CELSR1: variants seen among roughly 807,000 people sequenced by gnomAD.
CELSR1 encodes the protein cadherin EGF LAG seven-pass G-type receptor 1, also known as adhesion G protein-coupled receptor C1.
CELSR1 carries 110 observed loss-of-function variants against 249.1 expected under a neutral mutation model. The ratio of observed to expected loss-of-function variants is 0.44; its 90% CI spans 0.38 to 0.52. The LOEUF is 0.52. CELSR1 is among the 20% of genes least tolerant of loss of function. The pLI, the probability that CELSR1 is intolerant of heterozygous loss-of-function variation, is 0.00. For missense variants in CELSR1, 4,109 were observed against 4,296.4 expected, an observed-to-expected ratio of 0.96 and a Z score of 1.22; for synonymous variants, 2,113 against 1,900.0, an observed-to-expected ratio of 1.11 and a Z score of -2.92.
chr22:46,452,933 C>T (rs1326313553), intron 2 of CELSR1, among the ~76,000 whole-genome samples: 1 of 152,228 alleles, frequency 6.6e-6, no homozygotes, highest in Admixed American at 6.5e-5. Context: ...TGGGCACAGC[C>T]TGGAAACAGC....
Position 46,464,406 on chromosome 22 carries a change from C to T in CELSR1, c.3545-61G>A, listed in dbSNP as rs1011315605. ...CTGCGGGAGTCACAGGTCCTATAGGCCCCATCCCAGGAGCAGCCTCAGGCA... is the reference window on the plus strand; with the variant it reads ...CTGCGGGAGTCACAGGTCCTATAGGTCCCATCCCAGGAGCAGCCTCAGGCA... On this transcript the variant is annotated intron_variant, in intron 1 of 34. Coordinates refer to ENST00000674500, the MANE Select transcript of CELSR1 (RefSeq NM_001378328.1). This position sits in a 1 kb window ranked among gnomAD's most constrained non-coding sequence, Gnocchi z 8.5. The T allele has an allele frequency of 3.2e-6, 5 of 1,542,322 alleles. No homozygotes were observed. The highest frequency in any genetic ancestry group is 4.4e-6 in the Non-Finnish European group (5 of 1,141,452).
intron 22 of CELSR1, 85 bp from the exon 23 acceptor site, chr22:46,378,802 G>T: frequency 6.6e-7 from 1 of 1,511,940 alleles, no homozygotes; most frequent in Middle Eastern, 2.2e-4. Flanking sequence ...CCCAGCCCTG[G>T]GGGCTCCCAG....
At chr22:46,496,758 G>A (rs1406847298) in intron 1 of CELSR1, among the ~76,000 whole-genome samples, 1 of 152,002 alleles carries the variant, frequency 6.6e-6, no homozygotes, top group African/African-American at 2.4e-5. Flanking sequence ...AGTCTTCAGA[G>A]GCAGCAGCAC....
intron 1 of CELSR1, among the ~76,000 whole-genome samples, chr22:46,479,093 G>A (rs897440238): frequency 6.6e-6 from 1 of 151,650 alleles, no homozygotes; most frequent in African/African-American, 2.4e-5. Context: ...CTCCCTCTGC[G>A]TGCCCCTGTG....
chr22:46,416,150 T>C (rs1368480154), intron 5 of CELSR1, among the ~76,000 whole-genome samples: 1 of 150,258 alleles, frequency 6.7e-6, no homozygotes, highest in Non-Finnish European at 1.5e-5. Context: ...CTCCTCACAT[T>C]TCTAAGAGGA....
At chr22:46,504,660 T>C (rs1201548731) in intron 1 of CELSR1, among the ~76,000 whole-genome samples, 2 of 152,190 alleles carry the variant, frequency 1.3e-5, no homozygotes. Flanking sequence ...CCAATGAGGA[T>C]GAAAATATGG....
intron 24 of CELSR1, among the ~76,000 whole-genome samples, chr22:46,375,226 G>A (rs540938917): frequency 1.5e-4 from 23 of 152,236 alleles, no homozygotes; most frequent in African/African-American, 5.5e-4. Context: ...CACAGACACC[G>A]TCTCCACCCA....
chr22:46,452,276 C>T (rs1409503989), intron 2 of CELSR1, among the ~76,000 whole-genome samples: 1 of 152,188 alleles, frequency 6.6e-6, no homozygotes, highest in Non-Finnish European at 1.5e-5. Flanking sequence ...CTGGAGCCTA[C>T]ACAGACCTGG....
At chr22:46,463,586 C>T in intron 2 of CELSR1, 121 bp downstream of exon 2, 2 of 1,113,160 alleles carry the variant, frequency 1.8e-6, no homozygotes, top group Non-Finnish European at 2.4e-6. Context: ...CACACCTGGG[C>T]CCAGCGCCCA....
In CELSR1 at chr22:46,429,264, T is replaced by G. The variant is rs2079568265; in HGVS notation, c.4611+4129A>C. The stretch of plus-strand genomic sequence containing the variant: ...AATGAGGGCAAAACCGATTCTCAAG[T>G]GGGGAGAACGTTTTCCGTCAGGCAT... On this transcript the variant is annotated intron_variant, in intron 5 of 34. Coordinates refer to ENST00000674500, the MANE Select transcript of CELSR1 (RefSeq NM_001378328.1). This position sits in a 1 kb window ranked among gnomAD's most constrained non-coding sequence, Gnocchi z 4.1. Among the ~76,000 whole-genome samples the G allele has an allele frequency of 6.6e-6, 1 of 152,050 alleles. No homozygotes were observed. The highest frequency in any genetic ancestry group is 2.4e-5 in the African/African-American group (1 of 41,390).
Position 46,398,908 on chromosome 22 carries a change from C to T in CELSR1, c.5413-271G>A, listed in dbSNP as rs1031047370. Among the ~76,000 whole-genome samples the T allele has an allele frequency of 6.6e-5, 10 of 152,170 alleles. No individual in the cohort carries two copies. Among genetic ancestry groups the T allele is most frequent in the African/African-American group, 9.7e-5 (4 of 41,432 alleles). On this transcript the variant is annotated intron_variant, in intron 10 of 34. Transcript: ENST00000674500. This position sits in a 1 kb window ranked among gnomAD's most constrained non-coding sequence, Gnocchi z 7.2. Reference sequence around the variant, plus strand: ...GTGGGGTCAACGTGGGCAACTGTCCCGCCTCCGTCAAGGGCACAACACTAA... The same window carrying T: ...GTGGGGTCAACGTGGGCAACTGTCCTGCCTCCGTCAAGGGCACAACACTAA...
At chr22:46,466,121 G>A (rs547128403) in intron 1 of CELSR1, among the ~76,000 whole-genome samples, 30 of 152,216 alleles carry the variant, frequency 2.0e-4, no homozygotes, top group Non-Finnish European at 3.2e-4. Flanking sequence ...GAGGGCGTCC[G>A]CAGAGCCCAG....
rs538729450 is a variant in CELSR1 at position 46,506,929 on chromosome 22, G to T, written c.3544+26698C>A. Among the ~76,000 whole-genome samples, 6 of 152,300 alleles carry T rather than the reference G, an allele frequency of 3.9e-5. No homozygotes were observed. The South Asian group carries it at 1.2e-3, about 32-fold the overall frequency. ...AACCGATTCCAGGCGGGGCGTGGTG[G>T]CTCACGTTTGTAATCCCAGCACTTT... On this transcript the variant is annotated intron_variant, in intron 1 of 34. Transcript: ENST00000674500. This position sits in a 1 kb window ranked among gnomAD's most constrained non-coding sequence, Gnocchi z 4.1.
intron 2 of CELSR1, among the ~76,000 whole-genome samples, chr22:46,458,161 C>A (rs968975705): frequency 6.6e-6 from 1 of 152,004 alleles, no homozygotes; most frequent in African/African-American, 2.4e-5. Flanking sequence ...GGGGAAGGTG[C>A]GCTGGAGGGG....
At position 46,468,559 on chromosome 22, in the gene CELSR1, T is replaced by C. The variant is rs760152844; in HGVS notation, c.3545-4214A>G. The stretch of plus-strand genomic sequence containing the variant: ...ACAGGAGGTCCCTAGAGGAGTTCGA[T>C]TCATAGAGGCAGAAAGTAGAATGAT... On this transcript the variant is annotated intron_variant, in intron 1 of 34. Transcript: ENST00000674500. The surrounding 1 kb of genome is among the most constrained non-coding windows in gnomAD (Gnocchi z 4.5). Among the ~76,000 whole-genome samples the C allele has an allele frequency of 3.3e-5, 5 of 152,060 alleles. No individual in the cohort carries two copies. The highest frequency in any genetic ancestry group is 7.2e-5 in the African/African-American group (3 of 41,402).
At position 46,535,857 on chromosome 22, in the gene CELSR1, C is replaced by A. The variant is rs146866686; in HGVS notation, c.1314G>T (p.Pro438=). Residue 438 remains proline, a synonymous_variant, in exon 1 of 35, where the codon CCG becomes CCT. Coordinates refer to ENST00000674500, the MANE Select transcript of CELSR1 (RefSeq NM_001378328.1). ...EANDQGRNPG[P]LSATATVYIE... Reference sequence around the variant, plus strand: ...TGTACACGGTGGCCGTGGCACTGAGCGGGCCCGGATTGCGCCCCTGGTCGT... The same window carrying A: ...TGTACACGGTGGCCGTGGCACTGAGAGGGCCCGGATTGCGCCCCTGGTCGT... The A allele has an allele frequency of 3.7e-6, 6 of 1,610,898 alleles. No individual in the cohort carries two copies. In the African/African-American group the frequency reaches 5.3e-5, roughly 14 times the overall value.
chr22:46,459,671 A>G (rs902918587), intron 2 of CELSR1, among the ~76,000 whole-genome samples: 1 of 152,160 alleles, frequency 6.6e-6, no homozygotes, highest in Non-Finnish European at 1.5e-5. Flanking sequence ...TCCTGGCCTC[A>G]ACCCACCAGC....
intron 29 of CELSR1, 59 bp from the exon 30 acceptor site, chr22:46,366,539 G>A: frequency 1.5e-6 from 2 of 1,327,068 alleles, no homozygotes; most frequent in Non-Finnish European, 2.1e-6. Flanking sequence ...GACCACCACG[G>A]GGAATGACTC....
In CELSR1 at chr22:46,470,763, A is replaced by G. The variant is rs181150551; in HGVS notation, c.3545-6418T>C. On this transcript the variant is annotated intron_variant, in intron 1 of 34. Coordinates refer to ENST00000674500, the MANE Select transcript of CELSR1 (RefSeq NM_001378328.1). Reference sequence around the variant, plus strand: ...CTATCCCCACAACGGAATATGACGCAGCTAAACCACACAGTAGCACAAACC... The same window carrying G: ...CTATCCCCACAACGGAATATGACGCGGCTAAACCACACAGTAGCACAAACC... Among the ~76,000 whole-genome samples the G allele has an allele frequency of 9.7e-4, 147 of 152,284 alleles. 2 individuals carry two copies. The highest frequency in any genetic ancestry group is 9.6e-3 in the Admixed American group (147 of 15,280).
Sources: gnomAD v4.1 joint callset for allele counts (sites outside exome capture counted in the v4.1 genomes callset) on GRCh38, gnomAD v4.1.1 for gene constraint, Gnocchi (gnomAD v3.1) non-coding constraint, MANE v1.5 for transcripts, NCBI Gene and HGNC (gene_info 2026-07-23, HGNC 2026-07-21) for gene names.